Variants in GTF2IRD1 observed in about 807,000 individuals in gnomAD.
The protein encoded by GTF2IRD1 is GTF2I repeat domain containing 1, also known as general transcription factor II-I repeat domain-containing protein 1.
A neutral mutation model predicts 113.2 loss-of-function variants in GTF2IRD1; 26 were observed. The observed-to-expected ratio is 0.23, with a 90% CI of 0.17 to 0.32. GTF2IRD1 has a LOEUF of 0.32. Ranked by LOEUF, GTF2IRD1 falls within the 10% of genes least tolerant of loss-of-function variation. The pLI is 1.00. For synonymous variants in GTF2IRD1, 484 were observed against 529.1 expected, an observed-to-expected ratio of 0.91 and a Z score of 1.17; for missense variants, 864 against 1,280.8, an observed-to-expected ratio of 0.67 and a Z score of 4.97.
Position 74,508,191 on chromosome 7 carries a change from C to T in GTF2IRD1, c.111C>T (p.Ala37=). The T allele has an allele frequency of 6.2e-7, 1 of 1,612,604 alleles. No individual in the cohort carries two copies. Among genetic ancestry groups the T allele is most frequent in the Non-Finnish European group, 8.5e-7 (1 of 1,179,864 alleles). The part of the protein sequence containing the change: ...KDEIITSLVS[A]LDSMCSALSK... ...AGATCATCACCAGCCTCGTGTCTGC[C>T]TTAGACTCCATGGTGAGTGTCCCCA... The change falls in exon 2 of 27, where the codon GCC becomes GCT. Residue 37 remains alanine, a synonymous_variant. Coordinates refer to ENST00000424337, the MANE Select transcript of GTF2IRD1 (RefSeq NM_005685.4).
intron 25 of GTF2IRD1, among the ~76,000 whole-genome samples, chr7:74,598,840 A>G (rs1554373134): frequency 2.6e-5 from 4 of 152,140 alleles, no homozygotes; most frequent in South Asian, 2.1e-4. Context: ...ATCTCCCACA[A>G]AAATCCCTCT....
In GTF2IRD1 at chr7:74,519,691, C is replaced by T. The variant is rs141864859; in HGVS notation, c.888C>T (p.Thr296=). The change falls in exon 6 of 27, where the codon ACC becomes ACT. Residue 296 remains threonine (T), a synonymous_variant. Coordinates refer to ENST00000424337, the MANE Select transcript of GTF2IRD1 (RefSeq NM_005685.4). The part of the protein sequence containing the change: ...LSRPMPEPKA[T]GAQDFSDCCG... ...GGCCCATGCCAGAGCCCAAGGCCAC[C>T]GGTGCCCAAGACTTCTCCGACTGTT... The T allele has an allele frequency of 3.2e-4, 511 of 1,587,680 alleles. 5 individuals are homozygous for T. The East Asian group carries it at 9.3e-3, about 29-fold the overall frequency.
chr7:74,505,670 C>G (rs1796262413), intron 1 of GTF2IRD1, among the ~76,000 whole-genome samples: 1 of 152,224 alleles, frequency 6.6e-6, no homozygotes, highest in Non-Finnish European at 1.5e-5. Context: ...GGGAGGCTGG[C>G]AGCCCTAAGG....
intron 1 of GTF2IRD1, among the ~76,000 whole-genome samples, chr7:74,463,744 G>A (rs1584450613): frequency 6.8e-6 from 1 of 147,042 alleles, no homozygotes; most frequent in African/African-American, 2.5e-5. Flanking sequence ...TTTTTTTTGA[G>A]ACAGAGTCTC....
intron 15 of GTF2IRD1, among the ~76,000 whole-genome samples, chr7:74,545,057 G>C (rs1242936816): frequency 3.3e-5 from 5 of 152,152 alleles, no homozygotes; most frequent in Non-Finnish European, 7.3e-5. Context: ...GCAAGCCTTT[G>C]TTTTTATTAC....
intron 1 of GTF2IRD1, among the ~76,000 whole-genome samples, chr7:74,458,764 C>T (rs964251352): frequency 2.0e-5 from 3 of 151,826 alleles, no homozygotes; most frequent in African/African-American, 4.8e-5. Context: ...AAGTGATTCT[C>T]GTGCCTCAGC....
intron 24 of GTF2IRD1, among the ~76,000 whole-genome samples, chr7:74,592,233 G>A (rs6968776): frequency 1.3e-3 from 197 of 151,868 alleles, no homozygotes; most frequent in Middle Eastern, 6.8e-3. Flanking sequence ...TCAAGTAGCT[G>A]GCACTACAGG....
At position 74,512,997 on chromosome 7, in the gene GTF2IRD1, C is replaced by A. The variant is rs568587089; in HGVS notation, c.265+26C>A. On this transcript the variant is annotated intron_variant, in intron 3 of 26. Transcript: ENST00000424337. The surrounding 1 kb of genome is among the most constrained non-coding windows in gnomAD (Gnocchi z 4.4). ...GTGAGTACCCCAGGGCTCCGGAGGG[C>A]CGGGCCCGCCATTTCCCGAGGGCAG... 1 of 1,604,300 alleles carries A rather than the reference C, an allele frequency of 6.2e-7. No homozygotes were observed.
intron 22 of GTF2IRD1, among the ~76,000 whole-genome samples, chr7:74,564,330 AT>A (rs1800162423): frequency 6.6e-6 from 1 of 151,948 alleles, no homozygotes; most frequent in African/African-American, 2.4e-5. Flanking sequence ...CCTGGCTGAG[AT>A]TGTGCTTTTT....
intron 24 of GTF2IRD1, among the ~76,000 whole-genome samples, chr7:74,592,835 C>T (rs1802147056): frequency 1.3e-5 from 2 of 151,706 alleles, no homozygotes; most frequent in South Asian, 4.2e-4. Context: ...ACCCGGCCCG[C>T]CTTCAATGTT....
intron 1 of GTF2IRD1, among the ~76,000 whole-genome samples, chr7:74,477,250 G>A (rs1794469337): frequency 6.6e-6 from 1 of 151,940 alleles, no homozygotes; most frequent in South Asian, 2.1e-4. Flanking sequence ...TGTAATCCCC[G>A]CTACTCAAGA....
rs61694825 is a variant in GTF2IRD1, at chr7:74,468,676, CTGTGTGTGTGTGTGTGTGTG to C, written c.-7+14528_-7+14547del. 6.5e-4 allele frequency among the ~76,000 whole-genome samples: 84 copies of C among 129,416 alleles called. 1 individual carries two copies. Among genetic ancestry groups the C allele is most frequent in the Middle Eastern group, 4.0e-3 (1 of 252 alleles). The allele number at this position is 129,416 out of a possible 152,430, so 84.9% of individuals were successfully genotyped here. Reference sequence around the variant, plus strand: ...ACTCCATCTCCAAAAAAAAAAAAAACTGTGTGTGTGTGTGTGTGTGTGTGTGTGTGTGTGTGTGTGTGTGT... The same window carrying C: ...ACTCCATCTCCAAAAAAAAAAAAAACTGTGTGTGTGTGTGTGTGTGTGTGT... On this transcript the variant is annotated intron_variant, in intron 1 of 26. Transcript: ENST00000424337.
At chr7:74,523,137 T>C (rs1282772271) in intron 7 of GTF2IRD1, among the ~76,000 whole-genome samples, 2 of 152,184 alleles carry the variant, frequency 1.3e-5, no homozygotes, top group Non-Finnish European at 2.9e-5. Flanking sequence ...GAGGATCGTT[T>C]GAGTCCAAGA....
At chr7:74,561,346 CA>C (rs11452589) in intron 22 of GTF2IRD1, among the ~76,000 whole-genome samples, 307 of 77,734 alleles carry the variant, frequency 3.9e-3, no homozygotes, top group Admixed American at 7.0e-3. Context: ...TAGATTGTCT[CA>C]AAAAAAAAAA....
intron 1 of GTF2IRD1, among the ~76,000 whole-genome samples, chr7:74,462,689 G>A (rs1793450968): frequency 6.6e-6 from 1 of 152,104 alleles, no homozygotes; most frequent in African/African-American, 2.4e-5. Context: ...GCTGGCGGGG[G>A]GCCTGTGGCC....
At chr7:74,598,533 T>G (rs1408493459) in intron 25 of GTF2IRD1, among the ~76,000 whole-genome samples, 8 of 151,858 alleles carry the variant, frequency 5.3e-5, no homozygotes, top group African/African-American at 1.9e-4. Context: ...GGAGAATTGC[T>G]TGAACCCAGG....
intron 1 of GTF2IRD1, among the ~76,000 whole-genome samples, chr7:74,492,537 G>T (rs1200112639): frequency 1.3e-5 from 2 of 152,076 alleles, no homozygotes; most frequent in Non-Finnish European, 2.9e-5. Flanking sequence ...TCTCATTGTG[G>T]TTGTGATTTG....
chr7:74,574,077 G>A (rs1404574386), intron 22 of GTF2IRD1, among the ~76,000 whole-genome samples: 6 of 151,636 alleles, frequency 4.0e-5, no homozygotes, highest in African/African-American at 9.7e-5. Context: ...TCCGCCTCCC[G>A]GGTTCAAGCA....
chr7:74,536,838 T>A (rs587597135), intron 11 of GTF2IRD1, among the ~76,000 whole-genome samples: 27 of 150,888 alleles, frequency 1.8e-4, no homozygotes, highest in Non-Finnish European at 4.0e-4. Context: ...AGGCCGGACT[T>A]GGTGGCTCAC....
Sources: allele counts gnomAD v4.1 joint callset (sites outside exome capture counted in the v4.1 genomes callset), GRCh38; gene constraint gnomAD v4.1.1; non-coding constraint Gnocchi (gnomAD v3.1); transcripts MANE v1.5; gene names NCBI Gene and HGNC (gene_info 2026-07-23, HGNC 2026-07-21).